LGSN: variants seen among roughly 807,000 people sequenced by gnomAD.
The protein encoded by LGSN is lengsin, lens protein with glutamine synthetase domain.
A neutral mutation model predicts 19.5 loss-of-function variants in LGSN; 21 were observed. The ratio of observed to expected loss-of-function variants is 1.07; its 90% CI spans 0.76 to 1.55. The LOEUF is 1.55. Among genes scored for constraint, LGSN ranks in the 40% most tolerant of loss-of-function variants. LGSN has a pLI of 0.00. For missense variants in LGSN, 673 were observed against 608.5 expected (o/e 1.11, Z -1.12); for synonymous variants, 257 against 215.6 (o/e 1.19, Z -1.68).
chr6:63,388,781 G>A, the LGSN span, among the ~76,000 whole-genome samples: 1 of 152,318 alleles, frequency 6.6e-6, no homozygotes, highest in Middle Eastern at 3.4e-3. Context: ...CTGGCTTCGA[G>A]GGCCATTTGG....
intron 1 of LGSN, among the ~76,000 whole-genome samples, chr6:63,317,452 T>C (rs1768909129): frequency 6.6e-6 from 1 of 152,190 alleles, no homozygotes; most frequent in Non-Finnish European, 1.5e-5. Context: ...AATCTAATTT[T>C]TGTCTTGTCT....
the LGSN span, among the ~76,000 whole-genome samples, chr6:63,444,485 GA>G: frequency 6.6e-6 from 1 of 152,218 alleles, no homozygotes; most frequent in Non-Finnish European, 1.5e-5. Context: ...GTAAGGAATA[GA>G]GATGTATTCT....
the LGSN span, among the ~76,000 whole-genome samples, chr6:63,342,958 G>C: frequency 6.6e-6 from 1 of 152,168 alleles, no homozygotes; most frequent in African/African-American, 2.4e-5. Flanking sequence ...GCCTGCTTTT[G>C]AGTTGAAAGT....
At chr6:63,371,543 G>A in the LGSN span, among the ~76,000 whole-genome samples, 1 of 152,174 alleles carries the variant, frequency 6.6e-6, no homozygotes, top group African/African-American at 2.4e-5. Context: ...ATCTGGTGTT[G>A]ATATTTCTGC....
At chr6:63,413,491 G>A in the LGSN span, among the ~76,000 whole-genome samples, 1 of 152,062 alleles carries the variant, frequency 6.6e-6, no homozygotes, top group Non-Finnish European at 1.5e-5. Context: ...TGATGACATT[G>A]CTTTATGAAT....
chr6:63,522,688 GA>G, the LGSN span, among the ~76,000 whole-genome samples: 1 of 152,076 alleles, frequency 6.6e-6, no homozygotes, highest in African/African-American at 2.4e-5. Flanking sequence ...TGGACCTGGG[GA>G]TTCCTATTGC....
chr6:63,290,002 A>G (rs1424623505), intron 2 of LGSN, among the ~76,000 whole-genome samples: 1 of 152,132 alleles, frequency 6.6e-6, no homozygotes, highest in Non-Finnish European at 1.5e-5. Context: ...ACCAGGTACA[A>G]AGCAGGGAAA....
intron 1 of LGSN, among the ~76,000 whole-genome samples, chr6:63,304,934 G>A (rs969408200): frequency 5.9e-5 from 9 of 152,266 alleles, no homozygotes; most frequent in Admixed American, 4.6e-4. Context: ...TAGCACCAAA[G>A]CCCTAAGTTT....
At chr6:63,432,673 CAG>C in the LGSN span, among the ~76,000 whole-genome samples, 9 of 149,488 alleles carry the variant, frequency 6.0e-5, no homozygotes, top group African/African-American at 2.2e-4. Flanking sequence ...GCCTGGGCAA[CAG>C]AGCAAAACTC....
the LGSN span, among the ~76,000 whole-genome samples, chr6:63,405,506 T>A: frequency 6.6e-6 from 1 of 152,194 alleles, no homozygotes; most frequent in African/African-American, 2.4e-5. Context: ...TTCTAACTGG[T>A]GTGAGATGGT....
At chr6:63,464,450 T>A in the LGSN span, among the ~76,000 whole-genome samples, 1 of 151,766 alleles carries the variant, frequency 6.6e-6, no homozygotes, top group African/African-American at 2.4e-5. Flanking sequence ...GTGCAAGTCA[T>A]GTTCTAAGCA....
the LGSN span, among the ~76,000 whole-genome samples, chr6:63,511,531 C>T: frequency 6.6e-6 from 1 of 152,294 alleles, no homozygotes; most frequent in South Asian, 2.1e-4. Context: ...GCTGGGATTA[C>T]AGGCATGAGC....
the LGSN span, among the ~76,000 whole-genome samples, chr6:63,448,408 G>C: frequency 4.6e-5 from 7 of 152,130 alleles, no homozygotes; most frequent in South Asian, 2.1e-4. Flanking sequence ...TCATATGAAA[G>C]GTTAAGTATT....
At chr6:63,500,025 G>A in the LGSN span, among the ~76,000 whole-genome samples, 1 of 152,100 alleles carries the variant, frequency 6.6e-6, no homozygotes, top group Non-Finnish European at 1.5e-5. Context: ...ACATCTCTCT[G>A]TCTGAAAGAG....
At chr6:63,335,050 G>A in the LGSN span, among the ~76,000 whole-genome samples, 1 of 151,540 alleles carries the variant, frequency 6.6e-6, no homozygotes, top group East Asian at 1.9e-4. Context: ...GGCTGAGGCA[G>A]GAGAATCACT....
At chr6:63,404,578 T>C in the LGSN span, among the ~76,000 whole-genome samples, 1 of 152,102 alleles carries the variant, frequency 6.6e-6, no homozygotes, top group Non-Finnish European at 1.5e-5. Flanking sequence ...CACTTTCTTA[T>C]AGATGGACAT....
chr6:63,527,497 A>C, the LGSN span, among the ~76,000 whole-genome samples: 2 of 152,168 alleles, frequency 1.3e-5, no homozygotes, highest in African/African-American at 4.8e-5. Context: ...CAAAATGTAG[A>C]GGGTATAAAT....
chr6:63,563,610 G>A, the LGSN span, among the ~76,000 whole-genome samples: 2 of 152,130 alleles, frequency 1.3e-5, no homozygotes, highest in African/African-American at 4.8e-5. Flanking sequence ...TTTCTCACCT[G>A]TATATAAATT....
At chr6:63,508,941 AAG>A in the LGSN span, among the ~76,000 whole-genome samples, 4 of 132,778 alleles carry the variant, frequency 3.0e-5, no homozygotes, top group Admixed American at 1.5e-4. Flanking sequence ...AAAAAAAAAA[AAG>A]AGTATTTCTG....
Sources: allele counts gnomAD v4.1 joint callset (sites outside exome capture counted in the v4.1 genomes callset), GRCh38; gene constraint gnomAD v4.1.1; transcripts MANE v1.5; gene names NCBI Gene and HGNC (gene_info 2026-07-23, HGNC 2026-07-21).